Variants in GPC6 observed in about 807,000 individuals in gnomAD.
GPC6 encodes the protein glypican-6.
A neutral mutation model predicts 55.2 loss-of-function variants in GPC6; 14 were observed. That is an observed-to-expected ratio of 0.25 (90% confidence interval 0.17 to 0.40). The LOEUF (loss-of-function observed/expected upper bound fraction) is 0.40, where lower values mean the gene tolerates loss of function less well. Ranked by LOEUF, GPC6 falls within the 10% of genes least tolerant of loss-of-function variation. The pLI, the probability that GPC6 is intolerant of heterozygous loss-of-function variation, is 1.00. For synonymous variants in GPC6, 278 were observed against 259.6 expected (o/e 1.07, Z -0.68); for missense variants, 641 against 708.5 (o/e 0.90, Z 1.08).
chr13:94,115,977 C>A (rs771411084), intron 4 of GPC6, among the ~76,000 whole-genome samples: 54 of 151,998 alleles, frequency 3.6e-4, no homozygotes, highest in Non-Finnish European at 7.2e-4. Flanking sequence ...TGCCCCATAC[C>A]TATTTCATAG....
At position 94,403,478 on chromosome 13, in the gene GPC6, G is replaced by T; in HGVS notation, c.*261G>T. 19 of 490,292 alleles carry T rather than the reference G, an allele frequency of 3.9e-5. No homozygotes were observed. The South Asian group carries it at 4.1e-4, about 11-fold the overall frequency. The allele number at this position is 490,292 out of a possible 1,614,324, so 30.4% of individuals were successfully genotyped here. ...ATTCTTACTCAAATTTTTCGTACCA[G>T]GAGATTTTCTTACCTTCATTTGCTT... On this transcript the variant is annotated 3_prime_UTR_variant, in exon 9 of 9. Coordinates refer to ENST00000377047, the MANE Select transcript of GPC6 (RefSeq NM_005708.5).
At chr13:93,829,337 A>C (rs771005307) in intron 2 of GPC6, among the ~76,000 whole-genome samples, 3 of 152,160 alleles carry the variant, frequency 2.0e-5, no homozygotes, top group Admixed American at 6.5e-5. Context: ...ATGATACCCA[A>C]TGGCTTTAAT....
intron 3 of GPC6, among the ~76,000 whole-genome samples, chr13:93,884,306 A>G (rs1457010859): frequency 1.3e-5 from 2 of 152,074 alleles, no homozygotes. Context: ...TCATATGCCT[A>G]TCGTTTCTGT....
At chr13:93,932,446 A>T (rs1878225118) in intron 3 of GPC6, among the ~76,000 whole-genome samples, 1 of 152,188 alleles carries the variant, frequency 6.6e-6, no homozygotes, top group South Asian at 2.1e-4. Flanking sequence ...AATTGAAATT[A>T]AAAAAAGGAA....
chr13:94,269,339 G>T (rs1348277207), intron 4 of GPC6, among the ~76,000 whole-genome samples: 1 of 152,190 alleles, frequency 6.6e-6, no homozygotes, highest in Admixed American at 6.5e-5. Flanking sequence ...CACTGGCATT[G>T]TGGTTTCAGG....
At chr13:93,716,208 G>T (rs997057901) in intron 2 of GPC6, among the ~76,000 whole-genome samples, 2 of 151,624 alleles carry the variant, frequency 1.3e-5, no homozygotes, top group African/African-American at 4.8e-5. Flanking sequence ...ACTAATTTAT[G>T]CATTTACTAT....
intron 1 of GPC6, among the ~76,000 whole-genome samples, chr13:93,387,652 A>G: frequency 6.6e-6 from 1 of 152,206 alleles, no homozygotes. Context: ...CAAATTACCA[A>G]ACGATCTCTA....
Position 94,148,517 on chromosome 13 carries a change from A to G in GPC6, c.877+120623A>G, listed in dbSNP as rs1178312908. ...AGATTCAATGGAAATATAAGATATT[A>G]TTTTGCAAGTCAAAGACAACTGCAA... On this transcript the variant is annotated intron_variant, in intron 4 of 8. Transcript: ENST00000377047. 7.9e-5 allele frequency among the ~76,000 whole-genome samples: 12 copies of G among 152,280 alleles called. 1 individual carries two copies. In the South Asian group the frequency reaches 2.3e-3, roughly 29 times the overall value.
Position 94,123,777 on chromosome 13 carries a change from C to T in GPC6, c.877+95883C>T, listed in dbSNP as rs1337632217. Among the ~76,000 whole-genome samples, 3 of 151,876 alleles carry T rather than the reference C, an allele frequency of 2.0e-5. No individual in the cohort carries two copies. In the East Asian group the frequency reaches 5.8e-4, roughly 29 times the overall value. ...ATTTATTGGATACTAATCTTGGGAA[C>T]ACAAGATTACATTTCAAAGGTCAGC... On this transcript the variant is annotated intron_variant, in intron 4 of 8. Coordinates refer to ENST00000377047, the MANE Select transcript of GPC6 (RefSeq NM_005708.5).
intron 2 of GPC6, among the ~76,000 whole-genome samples, chr13:93,704,406 A>C (rs900828560): frequency 6.6e-6 from 1 of 152,008 alleles, no homozygotes; most frequent in Non-Finnish European, 1.5e-5. Context: ...GTCATGAACT[A>C]AAATTGAGAG....
At chr13:94,112,393 C>T (rs916440493) in intron 4 of GPC6, among the ~76,000 whole-genome samples, 3 of 152,132 alleles carry the variant, frequency 2.0e-5, no homozygotes, top group African/African-American at 7.2e-5. Flanking sequence ...TGGCAGCCTC[C>T]GCTAGGATGT....
chr13:94,234,508 CTTTT>C (rs56709078), intron 4 of GPC6, among the ~76,000 whole-genome samples: 1 of 136,110 alleles, frequency 7.3e-6, no homozygotes, highest in Non-Finnish European at 1.6e-5. Flanking sequence ...CTTTTGTTTG[CTTTT>C]TTTTTTTTTT....
At chr13:94,098,420 A>G (rs1201108147) in intron 4 of GPC6, among the ~76,000 whole-genome samples, 1 of 152,218 alleles carries the variant, frequency 6.6e-6, no homozygotes, top group Non-Finnish European at 1.5e-5. Context: ...TGCTAGGTAC[A>G]TAGTTTCTTT....
intron 4 of GPC6, among the ~76,000 whole-genome samples, chr13:94,071,340 G>A (rs1407176292): frequency 6.6e-6 from 1 of 152,146 alleles, no homozygotes. Flanking sequence ...CTTTTAGGAT[G>A]ACATGATTTG....
chr13:93,697,124 T>C (rs541232810), intron 2 of GPC6, among the ~76,000 whole-genome samples: 21 of 152,264 alleles, frequency 1.4e-4, no homozygotes, highest in Admixed American at 5.2e-4. Context: ...CTCCTTAGCA[T>C]GACCTGCAAG....
At chr13:94,331,014 C>T (rs1877386326) in intron 6 of GPC6, among the ~76,000 whole-genome samples, 1 of 152,074 alleles carries the variant, frequency 6.6e-6, no homozygotes, top group Non-Finnish European at 1.5e-5. Flanking sequence ...AAAAATTTGC[C>T]TCCTTTTTCT....
At chr13:93,674,670 A>G (rs908851891) in intron 2 of GPC6, among the ~76,000 whole-genome samples, 32 of 152,182 alleles carry the variant, frequency 2.1e-4, no homozygotes, top group African/African-American at 7.5e-4. Context: ...CGACAGAATG[A>G]GGAGTGTTGG....
intron 4 of GPC6, among the ~76,000 whole-genome samples, chr13:94,269,115 A>G (rs1891909561): frequency 6.6e-6 from 1 of 152,132 alleles, no homozygotes; most frequent in South Asian, 2.1e-4. Context: ...TGCATGTACC[A>G]CTTCCTGCAG....
At chr13:93,595,147 T>G (rs1011408236) in intron 2 of GPC6, among the ~76,000 whole-genome samples, 3 of 152,200 alleles carry the variant, frequency 2.0e-5, no homozygotes, top group African/African-American at 7.2e-5. Context: ...CTTTTTAAAT[T>G]TATATTATAG....
Sources: allele counts gnomAD v4.1 joint callset (sites outside exome capture counted in the v4.1 genomes callset), GRCh38; gene constraint gnomAD v4.1.1; transcripts MANE v1.5; gene names NCBI Gene and HGNC (gene_info 2026-07-23, HGNC 2026-07-21).